The following DNAH7 variants were observed in gnomAD, a reference collection of about 807,000 sequenced individuals.
The protein encoded by DNAH7 is axonemal beta dynein heavy chain 7.
In DNAH7, 397 loss-of-function variants were observed where a neutral mutation model predicts 444.6. The ratio of observed to expected loss-of-function variants is 0.89; its 90% CI spans 0.82 to 0.97. The LOEUF is 0.97. DNAH7 is among the 50% of genes least tolerant of loss of function. The pLI is 0.00. For synonymous variants in DNAH7, 1,636 were observed against 1,624.4 expected (o/e 1.01, Z -0.17); for missense variants, 4,902 against 4,800.8 (o/e 1.02, Z -0.62).
intron 41 of DNAH7, among the ~76,000 whole-genome samples, chr2:195,863,226 T>G (rs1700125575): frequency 6.6e-6 from 1 of 152,248 alleles, no homozygotes; most frequent in Non-Finnish European, 1.5e-5. Flanking sequence ...ATAAATGTTT[T>G]GCATGAAATA....
intron 55 of DNAH7, among the ~76,000 whole-genome samples, chr2:195,798,222 C>T (rs560843121): frequency 6.6e-6 from 1 of 152,218 alleles, no homozygotes; most frequent in East Asian, 1.9e-4. Context: ...CCTGTCCATG[C>T]TTTAGTGTTC....
At chr2:196,051,836 G>A (rs752967871) in intron 2 of DNAH7, among the ~76,000 whole-genome samples, 74 of 152,072 alleles carry the variant, frequency 4.9e-4, no homozygotes, top group Admixed American at 7.9e-4. Context: ...ATCAAAACTC[G>A]CCAGCTCTTG....
At chr2:195,986,970 A>C in intron 14 of DNAH7, 96 bp downstream of exon 14, 1 of 1,106,264 alleles carries the variant, frequency 9.0e-7, no homozygotes, top group East Asian at 2.6e-5. Context: ...GGAATCATTT[A>C]TGGCATTGCT....
Position 195,881,949 on chromosome 2 carries a change from GCTT to G in DNAH7, c.5804_5806del (p.Glu1935del), listed in dbSNP as rs771700725. 8.7e-6 allele frequency: 14 copies of G among 1,613,828 alleles called. No individual in the cohort carries two copies. In the African/African-American group the frequency reaches 1.7e-4, roughly 20 times the overall value. ...CATTACATCTTTAGGAATTGGAGGA[GCTT>G]CTTTCAATTTCTTTATCCATGGTTC... On this transcript the variant is annotated inframe_deletion, in exon 36 of 65. Transcript: ENST00000312428.
intron 17 of DNAH7, among the ~76,000 whole-genome samples, chr2:195,962,002 G>C (rs1292385650): frequency 6.6e-6 from 1 of 152,154 alleles, no homozygotes; most frequent in African/African-American, 2.4e-5. Context: ...AGTTGAGAGA[G>C]AGTGCTGAAA....
At chr2:195,909,902 T>G (rs1687254410) in intron 25 of DNAH7, 125 bp downstream of exon 25, 1 of 957,328 alleles carries the variant, frequency 1.0e-6, no homozygotes, top group Admixed American at 2.9e-5. Context: ...ATTGAGATAG[T>G]GCTTCAATTT....
chr2:195,882,344 A>C (rs1162529436), intron 35 of DNAH7, among the ~76,000 whole-genome samples: 1 of 152,252 alleles, frequency 6.6e-6, no homozygotes, highest in Non-Finnish European at 1.5e-5. Flanking sequence ...AACTTTATTC[A>C]ATAAATGTTA....
chr2:195,939,014 A>ATCATC (rs926220839), intron 19 of DNAH7, among the ~76,000 whole-genome samples: 9 of 152,188 alleles, frequency 5.9e-5, no homozygotes, highest in African/African-American at 2.2e-4. Flanking sequence ...GCGACCTTAG[A>ATCATC]TCATCTGCTT....
At chr2:195,925,185 A>C (rs1266140302) in intron 22 of DNAH7, among the ~76,000 whole-genome samples, 4 of 152,058 alleles carry the variant, frequency 2.6e-5, no homozygotes, top group Non-Finnish European at 1.5e-5. Flanking sequence ...TGGTGCCTAA[A>C]CACTATTTCA....
At chr2:196,027,061 G>A in intron 6 of DNAH7, 121 bp from the exon 7 acceptor site, 1 of 699,906 alleles carries the variant, frequency 1.4e-6, no homozygotes, top group Non-Finnish European at 2.3e-6. Flanking sequence ...GCATAAAAAA[G>A]TATTTGGTAC....
Position 195,895,107 on chromosome 2 carries a change from A to T in DNAH7, c.4765T>A (p.Ser1589Thr), listed in dbSNP as rs775002607. ...TCATATACTTGAAGAATCTTCTCGG[A>T]AAAGAATGCAGTCATTTGCAAATTC... is the stretch of plus-strand genomic sequence containing the variant. Reference protein sequence around the residue: ...SMNLQMTAFFSEKILQVYEMM... With the variant: ...SMNLQMTAFFTEKILQVYEMM... The change falls in exon 30 of 65, where the codon TCC (serine) becomes ACC (threonine). Residue 1589 changes from serine (S) to threonine (T), a missense_variant. Transcript: ENST00000312428. 4 of 1,613,794 alleles carry T rather than the reference A, an allele frequency of 2.5e-6. No homozygotes were observed. The highest frequency in any genetic ancestry group is 1.7e-4 in the Middle Eastern group (1 of 6,056).
chr2:195,960,558 A>G lies in DNAH7; in HGVS notation c.2593T>C (p.Leu865=), dbSNP rs1191985794. ...ACTGTGGAGTCATCTGATGGCTGCA[A>G]AGGGTAACCAACAATGGCAGACATG... ...EAMSAIVGYP[L]QPSDDSTVSS... Residue 865 remains leucine (L), a synonymous_variant, in exon 18 of 65, where the codon TTG becomes CTG. Transcript: ENST00000312428. 1 of 1,614,098 alleles carries G rather than the reference A, an allele frequency of 6.2e-7. No individual in the cohort carries two copies. Among genetic ancestry groups the G allele is most frequent in the Non-Finnish European group, 8.5e-7 (1 of 1,180,034 alleles).
chr2:195,976,786 A>AGAGAGAGAGG (rs1243336641), intron 15 of DNAH7, among the ~76,000 whole-genome samples: 2 of 147,410 alleles, frequency 1.4e-5, no homozygotes, highest in Non-Finnish European at 3.0e-5. Context: ...AGAGAGAGAG[A>AGAGAGAGAGG]GACTCTCTAA....
intron 21 of DNAH7, among the ~76,000 whole-genome samples, chr2:195,929,159 T>C (rs1688530380): frequency 6.6e-6 from 1 of 152,012 alleles, no homozygotes; most frequent in Admixed American, 6.6e-5. Context: ...TAGGAATTCA[T>C]CTAACCAAAG....
chr2:195,836,087 T>C (rs1328699540), intron 47 of DNAH7, among the ~76,000 whole-genome samples: 27 of 152,142 alleles, frequency 1.8e-4, no homozygotes, highest in Admixed American at 1.8e-3. Context: ...GATAGTACCT[T>C]CTTGCTGTGT....
chr2:195,845,197 G>A (rs768913461), intron 46 of DNAH7, 32 bp from the exon 47 acceptor site: 2 of 1,552,784 alleles, frequency 1.3e-6, no homozygotes, highest in Admixed American at 1.9e-5. Context: ...ATAAAGAAAT[G>A]AGACTGGAGG....
At chr2:195,926,259 A>C (rs886706961) in intron 22 of DNAH7, among the ~76,000 whole-genome samples, 167 bp downstream of exon 22, 1 of 152,164 alleles carries the variant, frequency 6.6e-6, no homozygotes, top group East Asian at 1.9e-4. Context: ...TTTTTCCTAC[A>C]TATTTGTTAT....
intron 46 of DNAH7, among the ~76,000 whole-genome samples, chr2:195,845,831 T>C (rs186099981): frequency 6.6e-6 from 1 of 152,298 alleles, no homozygotes; most frequent in Admixed American, 6.5e-5. Context: ...ATTGGACCCA[T>C]TCGTTACGCC....
intron 36 of DNAH7, 115 bp from the exon 37 acceptor site, chr2:195,876,814 T>C (rs1017020774): frequency 2.9e-6 from 2 of 697,474 alleles, no homozygotes; most frequent in Non-Finnish European, 4.7e-6. Context: ...GTTGTAACAT[T>C]GTACAAATAG....
Sources: allele counts gnomAD v4.1 joint callset (sites outside exome capture counted in the v4.1 genomes callset), GRCh38; gene constraint gnomAD v4.1.1; transcripts MANE v1.5; gene names NCBI Gene and HGNC (gene_info 2026-07-23, HGNC 2026-07-21).